The following LAMP3 variants were observed in gnomAD, a reference collection of about 807,000 sequenced individuals.
LAMP3 encodes lysosome associated membrane protein 3, also known as lysosome-associated membrane glycoprotein 3.
In LAMP3, 26 loss-of-function variants were observed where a neutral mutation model predicts 34.8. The observed-to-expected ratio is 0.75, with a 90% CI of 0.55 to 1.04. The LOEUF is 1.04. Ranked by LOEUF, LAMP3 falls within the 50% of genes least tolerant of loss-of-function variation. The pLI, the probability that LAMP3 is intolerant of heterozygous loss-of-function variation, is 0.00. For missense variants in LAMP3, 495 were observed against 524.0 expected (o/e 0.94, Z 0.54); for synonymous variants, 180 against 201.9 (o/e 0.89, Z 0.92).
chr3:183,143,770 C>A (rs1447043035), intron 3 of LAMP3, among the ~76,000 whole-genome samples: 2 of 152,182 alleles, frequency 1.3e-5, no homozygotes, highest in African/African-American at 4.8e-5. Context: ...AATTGTACCA[C>A]TTTATTCTGT....
intron 1 of LAMP3, among the ~76,000 whole-genome samples, chr3:183,156,526 G>C (rs932430383): frequency 6.6e-6 from 1 of 152,136 alleles, no homozygotes; most frequent in African/African-American, 2.4e-5. Flanking sequence ...AGGGAAAGGA[G>C]ATCACGCTAT....
At chr3:183,163,263 C>T (rs1458573039), upstream of LAMP3, among the ~76,000 whole-genome samples, 1 of 134,492 alleles carries the variant, frequency 7.4e-6, no homozygotes, top group Admixed American at 7.7e-5. Context: ...GCCAGGGTCT[C>T]CTCTTTTATT....
chr3:183,131,767 A>T, intron 5 of LAMP3: 1 of 343,598 alleles, frequency 2.9e-6, no homozygotes, highest in Non-Finnish European at 4.1e-6. Flanking sequence ...ATTTGGAAAA[A>T]CAAGAAAACT....
intron 4 of LAMP3, among the ~76,000 whole-genome samples, chr3:183,139,755 G>A (rs977715278): frequency 6.6e-6 from 1 of 152,184 alleles, no homozygotes; most frequent in Admixed American, 6.5e-5. Flanking sequence ...GGGCAGTACT[G>A]TATTATCATT....
At chr3:183,131,164 A>G (rs1719907793) in intron 5 of LAMP3, among the ~76,000 whole-genome samples, 1 of 152,230 alleles carries the variant, frequency 6.6e-6, no homozygotes, top group Non-Finnish European at 1.5e-5. Context: ...CCATCATCCA[A>G]AAGAACTCAC....
intron 5 of LAMP3, among the ~76,000 whole-genome samples, chr3:183,134,206 T>A (rs1720012833): frequency 1.3e-5 from 2 of 152,048 alleles, no homozygotes; most frequent in African/African-American, 4.8e-5. Flanking sequence ...ATTTTGGAAG[T>A]GGAATTGTTA....
rs532636935 is a variant in LAMP3 at position 183,127,144 on chromosome 3, T to A, written c.1118-2930A>T. Among the ~76,000 whole-genome samples the A allele has an allele frequency of 1.9e-3, 289 of 151,552 alleles. 1 individual carries two copies. Among genetic ancestry groups the A allele is most frequent in the Middle Eastern group, 6.8e-3 (2 of 294 alleles). On this transcript the variant is annotated intron_variant, in intron 5 of 5. Coordinates refer to ENST00000265598, the MANE Select transcript of LAMP3 (RefSeq NM_014398.4). ...CTCCCCTCTCTTCAACTCCCCCAAT[T>A]TTTTTTTTGAGACAGGGTCTTGCTC... is the stretch of plus-strand genomic sequence containing the variant.
chr3:183,159,091 C>T (rs778174675), intron 1 of LAMP3, among the ~76,000 whole-genome samples: 1 of 152,044 alleles, frequency 6.6e-6, no homozygotes, highest in Non-Finnish European at 1.5e-5. Context: ...TACAGTCTCA[C>T]CATGTTGCCC....
At chr3:183,149,927 G>T (rs1720578549) in intron 3 of LAMP3, among the ~76,000 whole-genome samples, 1 of 152,052 alleles carries the variant, frequency 6.6e-6, no homozygotes, top group Non-Finnish European at 1.5e-5. Flanking sequence ...AAGTTCCTGG[G>T]ATAACTAAGG....
chr3:183,142,965 A>T (rs1174991408), intron 3 of LAMP3, among the ~76,000 whole-genome samples: 7 of 152,102 alleles, frequency 4.6e-5, no homozygotes, highest in Admixed American at 4.6e-4. Flanking sequence ...CTAATCAAAA[A>T]ATGAGGCCTT....
At chr3:183,131,378 AC>A (rs1265958748) in intron 5 of LAMP3, among the ~76,000 whole-genome samples, 17 of 152,326 alleles carry the variant, frequency 1.1e-4, no homozygotes, top group Admixed American at 2.6e-4. Context: ...AGTGCCCTTA[AC>A]ACTGGACACA....
chr3:183,132,457 G>C (rs1719953672), intron 5 of LAMP3: 1 of 982,866 alleles, frequency 1.0e-6, no homozygotes, highest in African/African-American at 1.8e-5. Flanking sequence ...AGAAAAATCA[G>C]TCAATTTGTA....
chr3:183,132,147 G>A, intron 5 of LAMP3: 2 of 985,352 alleles, frequency 2.0e-6, no homozygotes, highest in Non-Finnish European at 2.4e-6. Context: ...TGAAATTGAA[G>A]CAACTGAAGG....
Position 183,124,068 on chromosome 3 carries a change from C to T in LAMP3, c.*13G>A. 6.2e-7 allele frequency: 1 copy of T among 1,613,908 alleles called. No homozygotes were observed. The highest frequency in any genetic ancestry group is 8.5e-7 in the Non-Finnish European group (1 of 1,179,888). ...CTCTAAATTCCATTATTTTCATTCC[C>T]CCCGGGCAACAATTAGATTCTCTGG... On this transcript the variant is annotated 3_prime_UTR_variant, in exon 6 of 6. Coordinates refer to ENST00000265598, the MANE Select transcript of LAMP3 (RefSeq NM_014398.4).
chr3:183,151,617 G>A (rs1353120621), intron 3 of LAMP3, among the ~76,000 whole-genome samples: 2 of 151,850 alleles, frequency 1.3e-5, no homozygotes, highest in African/African-American at 2.4e-5. Context: ...CAGTAGAGAC[G>A]GGCTTTCACC....
chr3:183,162,841 A>C (rs602762), upstream of LAMP3: 485,949 of 549,330 alleles, frequency 0.88, 215,154 homozygotes, highest in East Asian at 0.9. Context: ...CCTACGGAGC[A>C]GGGAGGGGCG....
At chr3:183,140,240 C>G (rs948666861) in intron 4 of LAMP3, among the ~76,000 whole-genome samples, 10 of 151,798 alleles carry the variant, frequency 6.6e-5, no homozygotes, top group African/African-American at 2.4e-4. Context: ...AATCCCATCT[C>G]TACTAAAAAT....
intron 3 of LAMP3, among the ~76,000 whole-genome samples, chr3:183,145,621 G>A (rs866198114): frequency 6.6e-5 from 10 of 152,184 alleles, no homozygotes; most frequent in Non-Finnish European, 1.0e-4. Flanking sequence ...TTGGGAGGCC[G>A]AGGTTGGGCG....
intron 1 of LAMP3, chr3:183,162,016 C>G (rs914441668): frequency 1.0e-6 from 1 of 984,216 alleles, no homozygotes; most frequent in African/African-American, 1.7e-5. Context: ...GGAGACAGTT[C>G]TCTCATGACG....
Sources: allele counts gnomAD v4.1 joint callset (sites outside exome capture counted in the v4.1 genomes callset), GRCh38; gene constraint gnomAD v4.1.1; transcripts MANE v1.5; gene names NCBI Gene and HGNC (gene_info 2026-07-23, HGNC 2026-07-21).